The following DDX1 variants were observed in gnomAD, a reference collection of about 807,000 sequenced individuals.
DDX1 encodes the protein ATP-dependent RNA helicase DDX1.
DDX1 carries 28 observed loss-of-function variants against 108.7 expected under a neutral mutation model. The observed-to-expected ratio is 0.26, with a 90% CI of 0.19 to 0.35. The LOEUF (loss-of-function observed/expected upper bound fraction) is 0.35, where lower values mean the gene tolerates loss of function less well. Among genes scored for constraint, DDX1 ranks in the 10% least tolerant of loss-of-function variants. The probability of loss-of-function intolerance (pLI) is 1.00; values close to 1 mark genes in which losing one functional copy is unlikely to be tolerated. For synonymous variants in DDX1, 295 were observed against 288.9 expected, an observed-to-expected ratio of 1.02 and a Z score of -0.21; for missense variants, 710 against 884.5, an observed-to-expected ratio of 0.80 and a Z score of 2.50.
chr2:15,599,589 A>G, intron 5 of DDX1, 80 bp from the exon 6 acceptor site: 1 of 1,058,440 alleles, frequency 9.4e-7, no homozygotes, highest in Non-Finnish European at 1.4e-6. Flanking sequence ...CTGAGATTAC[A>G]GTCGTGAGTC....
In DDX1 at chr2:15,602,586, G is replaced by A; in HGVS notation, c.346G>A (p.Val116Ile). ...SDGLCCQSRE[V>I]KEWHGCRATK... ...TGGTCTTTGTTGTCAAAGCAGAGAA[G>A]TAAAGGAATGGCATGGGTGTAGAGC... Residue 116 changes from valine (V) to isoleucine (I), a missense_variant, in exon 7 of 26, where the codon GTA becomes ATA. Physicochemically the swap from Val to Ile is conservative, Grantham distance 29. Coordinates refer to ENST00000233084, the MANE Select transcript of DDX1 (RefSeq NM_004939.3). 1.2e-6 allele frequency: 2 copies of A among 1,613,900 alleles called. No homozygotes were observed. Among genetic ancestry groups the A allele is most frequent in the Middle Eastern group, 1.7e-4 (1 of 6,058 alleles).
chr2:15,616,244 T>C (rs138906970), intron 14 of DDX1, among the ~76,000 whole-genome samples: 173 of 152,350 alleles, frequency 1.1e-3, no homozygotes, highest in Middle Eastern at 3.4e-3. Flanking sequence ...CTCATCTTTA[T>C]TGACTGCTTT....
chr2:15,592,053 G>A (rs1490537798), intron 1 of DDX1, 104 bp downstream of exon 1: 23 of 1,084,524 alleles, frequency 2.1e-5, no homozygotes, highest in Non-Finnish European at 2.7e-5. Context: ...CAGGGGTCAG[G>A]GAGACAGAAG....
chr2:15,602,457 T>C (rs1293072958), intron 6 of DDX1, 91 bp from the exon 7 acceptor site: 2 of 844,918 alleles, frequency 2.4e-6, no homozygotes, highest in African/African-American at 1.7e-5. Context: ...TTAGTGAGAC[T>C]GAATGATTTT....
chr2:15,599,358 G>C (rs775382763), intron 5 of DDX1, among the ~76,000 whole-genome samples: 60 of 151,554 alleles, frequency 4.0e-4, no homozygotes, highest in African/African-American at 1.4e-3. Flanking sequence ...CCAGGCTGGA[G>C]TGCAGTGGCT....
chr2:15,617,024 C>T (rs184997445), intron 14 of DDX1, among the ~76,000 whole-genome samples: 1 of 151,560 alleles, frequency 6.6e-6, no homozygotes, highest in Admixed American at 6.6e-5. Flanking sequence ...TTAAGGATGT[C>T]AAAATCAATT....
chr2:15,592,280 C>T (rs956243475), intron 1 of DDX1, among the ~76,000 whole-genome samples: 2 of 152,194 alleles, frequency 1.3e-5, no homozygotes, highest in African/African-American at 2.4e-5. Flanking sequence ...ACGCCTGGGC[C>T]TCCTGCCTCT....
chr2:15,609,710 A>G (rs2148742121), intron 13 of DDX1, among the ~76,000 whole-genome samples: 1 of 152,098 alleles, frequency 6.6e-6, no homozygotes, highest in East Asian at 1.9e-4. Context: ...GGATAAATAT[A>G]TCTGATTATA....
At chr2:15,608,837 T>C (rs4668939) in intron 13 of DDX1, among the ~76,000 whole-genome samples, 100,316 of 151,592 alleles carry the variant, frequency 0.66, 34,198 homozygotes, top group East Asian at 0.89. Context: ...TGCCACTGTT[T>C]CAGGCAGGCC....
intron 2 of DDX1, 69 bp downstream of exon 2, chr2:15,595,265 T>C (rs999042518): frequency 8.9e-6 from 12 of 1,341,808 alleles, no homozygotes; most frequent in Non-Finnish European, 8.3e-6. Flanking sequence ...TTAGTGATTT[T>C]ATCAAATATT....
chr2:15,596,582 T>TG, intron 3 of DDX1, 152 bp from the exon 4 acceptor site: 1 of 621,450 alleles, frequency 1.6e-6, no homozygotes, highest in East Asian at 2.7e-5. Flanking sequence ...GGGCTGTAGT[T>TG]GGAGTTGACA....
chr2:15,607,649 T>C (rs906921771), intron 13 of DDX1, among the ~76,000 whole-genome samples: 16 of 152,116 alleles, frequency 1.1e-4, no homozygotes, highest in African/African-American at 3.4e-4. Context: ...TGTAGTGATA[T>C]GATTGTAGCT....
intron 14 of DDX1, among the ~76,000 whole-genome samples, chr2:15,615,403 T>C (rs1172877052): frequency 6.6e-6 from 1 of 152,230 alleles, no homozygotes. Flanking sequence ...GTTAGAATAC[T>C]GTACTAAACT....
At chr2:15,623,373 G>A in intron 18 of DDX1, 63 bp from the exon 19 acceptor site, 2 of 1,511,900 alleles carry the variant, frequency 1.3e-6, no homozygotes, top group African/African-American at 1.4e-5. Context: ...CTATAATTAT[G>A]TGTATTCATG....
intron 1 of DDX1, among the ~76,000 whole-genome samples, chr2:15,593,955 G>A (rs1181389576): frequency 1.3e-5 from 2 of 152,146 alleles, no homozygotes; most frequent in Non-Finnish European, 1.5e-5. Flanking sequence ...GCATGCGCCT[G>A]TAGCCCCAGC....
chr2:15,630,153 T>A, intron 25 of DDX1, 43 bp downstream of exon 25: 1 of 1,603,560 alleles, frequency 6.2e-7, no homozygotes, highest in Non-Finnish European at 8.5e-7. Context: ...AATGTAAATA[T>A]ACCTGTTTTG....
intron 10 of DDX1, 78 bp from the exon 11 acceptor site, chr2:15,605,872 C>A: frequency 1.0e-6 from 1 of 972,646 alleles, no homozygotes. Context: ...TGCAGGTAAG[C>A]TGGTAGATTT....
chr2:15,592,894 T>G (rs1017389858), intron 1 of DDX1, among the ~76,000 whole-genome samples: 1 of 123,280 alleles, frequency 8.1e-6, no homozygotes, highest in African/African-American at 3.2e-5. Context: ...TCCAGTCATG[T>G]AAGATATTTT....
At chr2:15,618,119 T>C in intron 15 of DDX1, 62 bp from the exon 16 acceptor site, 1 of 1,024,280 alleles carries the variant, frequency 9.8e-7, no homozygotes, top group Admixed American at 2.1e-5. Context: ...TGATACTGAT[T>C]AAAACTTACG....
Sources: allele counts gnomAD v4.1 joint callset (sites outside exome capture counted in the v4.1 genomes callset), GRCh38; gene constraint gnomAD v4.1.1; transcripts MANE v1.5; gene names NCBI Gene and HGNC (gene_info 2026-07-23, HGNC 2026-07-21).